Variants in ORC5 observed in about 807,000 individuals in gnomAD.
ORC5 encodes the protein origin recognition complex subunit 5.
In ORC5, 39 loss-of-function variants were observed where a neutral mutation model predicts 58.8. The observed-to-expected ratio is 0.66, with a 90% CI of 0.51 to 0.87. ORC5 has a LOEUF of 0.87. Among genes scored for constraint, ORC5 ranks in the 40% least tolerant of loss-of-function variants. The pLI is 0.00. For missense variants in ORC5, 493 were observed against 506.3 expected (o/e 0.97, Z 0.25); for synonymous variants, 218 against 177.6 (o/e 1.23, Z -1.81).
chr7:104,198,094 TGA>T (rs1799845736), intron 3 of ORC5, among the ~76,000 whole-genome samples: 1 of 152,242 alleles, frequency 6.6e-6, no homozygotes, highest in African/African-American at 2.4e-5. Context: ...ACTTTCATCA[TGA>T]GAGGAGGCAG....
intron 8 of ORC5, among the ~76,000 whole-genome samples, chr7:104,174,474 T>C (rs910201969): frequency 1.3e-5 from 2 of 152,198 alleles, no homozygotes; most frequent in Non-Finnish European, 1.5e-5. Context: ...AGCTATATTA[T>C]GGACTGTTCT....
intron 4 of ORC5, among the ~76,000 whole-genome samples, chr7:104,196,713 T>C (rs1012924861): frequency 6.6e-6 from 1 of 152,152 alleles, no homozygotes; most frequent in African/African-American, 2.4e-5. Flanking sequence ...CTTTAATACA[T>C]ACAAACATAA....
intron 6 of ORC5, among the ~76,000 whole-genome samples, chr7:104,185,738 C>G (rs1799529627): frequency 6.6e-6 from 1 of 151,958 alleles, no homozygotes; most frequent in Non-Finnish European, 1.5e-5. Context: ...CACTGGAATT[C>G]TACTGAACAG....
chr7:104,161,224 C>T, intron 11 of ORC5, 42 bp from the exon 12 acceptor site: 1 of 1,061,634 alleles, frequency 9.4e-7, no homozygotes, highest in Non-Finnish European at 1.5e-6. Context: ...CTTCTTATAC[C>T]AGAGCACTCA....
intron 1 of ORC5, among the ~76,000 whole-genome samples, chr7:104,204,996 A>G (rs1225897200): frequency 2.0e-5 from 3 of 152,202 alleles, no homozygotes; most frequent in South Asian, 4.1e-4. Flanking sequence ...AAGAGAACAA[A>G]TAACAGTAAA....
intron 8 of ORC5, among the ~76,000 whole-genome samples, chr7:104,178,967 GGTTA>G (rs1799378589): frequency 6.6e-6 from 1 of 151,970 alleles, no homozygotes; most frequent in Non-Finnish European, 1.5e-5. Flanking sequence ...AAATTCTGAA[GGTTA>G]TTTAAGGTTA....
intron 5 of ORC5, among the ~76,000 whole-genome samples, chr7:104,190,347 CTCT>C (rs1167139367): frequency 1.3e-5 from 2 of 152,054 alleles, no homozygotes; most frequent in South Asian, 2.1e-4. Flanking sequence ...CTAGAAAATG[CTCT>C]TCATGTTTTA....
At chr7:104,140,789 G>A (rs1798659655) in intron 12 of ORC5, among the ~76,000 whole-genome samples, 1 of 152,154 alleles carries the variant, frequency 6.6e-6, no homozygotes, top group South Asian at 2.1e-4. Flanking sequence ...ATGAGGTAGG[G>A]TGCAACAAGA....
At chr7:104,179,321 A>AT (rs1418993684) in intron 8 of ORC5, among the ~76,000 whole-genome samples, 4 of 152,298 alleles carry the variant, frequency 2.6e-5, no homozygotes, top group Admixed American at 2.0e-4. Flanking sequence ...ATTTAAAAGT[A>AT]TAAGAAAATA....
At chr7:104,161,314 T>C (rs1362918768) in intron 11 of ORC5, 132 bp from the exon 12 acceptor site, 2 of 564,440 alleles carry the variant, frequency 3.5e-6, no homozygotes, top group Admixed American at 6.7e-5. Flanking sequence ...AAATCTAACC[T>C]GCAAACTCTA....
chr7:104,175,243 T>G (rs1322660684), intron 8 of ORC5, among the ~76,000 whole-genome samples: 1 of 152,118 alleles, frequency 6.6e-6, no homozygotes. Flanking sequence ...TGGAGCACAA[T>G]GGCCATTATT....
Position 104,138,815 on chromosome 7 carries a change from C to T in ORC5, c.1150-1922G>A, listed in dbSNP as rs957441884. ...CGTGAGCCCCCGCACCCAACCATTGCTTTAAAACTTATTGCTGATCGTGTA... is the reference window on the plus strand; with the variant it reads ...CGTGAGCCCCCGCACCCAACCATTGTTTTAAAACTTATTGCTGATCGTGTA... On this transcript the variant is annotated intron_variant, in intron 12 of 13. Coordinates refer to ENST00000297431, the MANE Select transcript of ORC5 (RefSeq NM_002553.4). The surrounding 1 kb of genome is among the most constrained non-coding windows in gnomAD (Gnocchi z 4.7). Among the ~76,000 whole-genome samples the T allele has an allele frequency of 2.0e-5, 3 of 152,132 alleles. No homozygotes were observed. The highest frequency in any genetic ancestry group is 7.2e-5 in the African/African-American group (3 of 41,430).
intron 12 of ORC5, among the ~76,000 whole-genome samples, chr7:104,137,543 T>G (rs1798609774): frequency 6.6e-6 from 1 of 152,060 alleles, no homozygotes; most frequent in Non-Finnish European, 1.5e-5. Context: ...CTGGCTACCA[T>G]GCCCCCATCC....
At chr7:104,131,830 T>C (rs566446893) in intron 13 of ORC5, among the ~76,000 whole-genome samples, 128 of 147,286 alleles carry the variant, frequency 8.7e-4, no homozygotes, top group African/African-American at 3.2e-3. Context: ...CCAGCCTGGG[T>C]GACAGAGTGA....
At chr7:104,181,189 T>C (rs1362498223) in intron 8 of ORC5, among the ~76,000 whole-genome samples, 2 of 152,222 alleles carry the variant, frequency 1.3e-5, no homozygotes, top group Non-Finnish European at 2.9e-5. Context: ...ATTAGTTTTT[T>C]GCTTGTTTTT....
chr7:104,167,011 A>G (rs1799118837), intron 9 of ORC5, 127 bp from the exon 10 acceptor site: 1 of 589,918 alleles, frequency 1.7e-6, no homozygotes, highest in Non-Finnish European at 3.0e-6. Flanking sequence ...CCTTATTTTA[A>G]AAAGTGTCAT....
chr7:104,179,890 C>G (rs1371965706), intron 8 of ORC5, among the ~76,000 whole-genome samples: 1 of 152,138 alleles, frequency 6.6e-6, no homozygotes, highest in Non-Finnish European at 1.5e-5. Flanking sequence ...GAGGTGATAA[C>G]TCTCTCTTTT....
intron 5 of ORC5, among the ~76,000 whole-genome samples, chr7:104,193,138 C>T (rs1799713351): frequency 6.6e-6 from 1 of 151,980 alleles, no homozygotes; most frequent in African/African-American, 2.4e-5. Flanking sequence ...TCAACAAATC[C>T]CCAGCAGGAT....
In ORC5 at chr7:104,126,589, G is replaced by T. The variant is rs1798432613; in HGVS notation, c.*259C>A. 2 of 404,858 alleles carry T rather than the reference G, an allele frequency of 4.9e-6. No homozygotes were observed. The highest frequency in any genetic ancestry group is 8.7e-6 in the Non-Finnish European group (2 of 228,596). 25.1% of individuals were successfully genotyped at this position (404,858 alleles called of 1,614,324 possible). A position where few individuals can be genotyped will look rare whatever the true frequency, so the allele number is the denominator to read the frequency against. ...TGTTAAGATAACATCATTAAGAGTA[G>T]AACAGATTGTGCTCAAACCCTGCTG... is the stretch of plus-strand genomic sequence containing the variant. On this transcript the variant is annotated 3_prime_UTR_variant, in exon 14 of 14. Coordinates refer to ENST00000297431, the MANE Select transcript of ORC5 (RefSeq NM_002553.4).
Sources: gnomAD v4.1 joint callset for allele counts (sites outside exome capture counted in the v4.1 genomes callset) on GRCh38, gnomAD v4.1.1 for gene constraint, Gnocchi (gnomAD v3.1) non-coding constraint, MANE v1.5 for transcripts, NCBI Gene and HGNC (gene_info 2026-07-23, HGNC 2026-07-21) for gene names.